EYS: variants seen among roughly 807,000 people sequenced by gnomAD.
EYS encodes EGF-like photoreceptor maintenance factor.
EYS carries 250 observed loss-of-function variants against 282.1 expected under a neutral mutation model. That is an observed-to-expected ratio of 0.89 (90% CI 0.80 to 0.98). The LOEUF (loss-of-function observed/expected upper bound fraction) is 0.98. Ranked by LOEUF, EYS falls within the 50% of genes least tolerant of loss-of-function variation. The pLI is 0.00. For synonymous variants in EYS, 1,355 were observed against 1,282.9 expected (o/e 1.06, Z -1.20); for missense variants, 4,016 against 3,709.0 (o/e 1.08, Z -2.15).
intron 22 of EYS, among the ~76,000 whole-genome samples, chr6:64,684,054 ACT>A (rs1457901342): frequency 6.6e-6 from 1 of 151,662 alleles, no homozygotes; most frequent in Non-Finnish European, 1.5e-5. Flanking sequence ...CAACTCTCTC[ACT>A]CTTTCTTTTA....
At chr6:64,090,732 C>T (rs1041534406) in intron 31 of EYS, among the ~76,000 whole-genome samples, 3 of 152,094 alleles carry the variant, frequency 2.0e-5, no homozygotes, top group Non-Finnish European at 4.4e-5. Context: ...ACAATTTTGT[C>T]ATAGTCATCC....
At chr6:65,128,117 C>A (rs2150200637) in intron 12 of EYS, among the ~76,000 whole-genome samples, 1 of 151,938 alleles carries the variant, frequency 6.6e-6, no homozygotes, top group Non-Finnish European at 1.5e-5. Context: ...TTTATCTTAC[C>A]CAAATCATTA....
chr6:64,840,834 A>T (rs1423334802), intron 19 of EYS, among the ~76,000 whole-genome samples: 1 of 152,140 alleles, frequency 6.6e-6, no homozygotes, highest in Non-Finnish European at 1.5e-5. Flanking sequence ...TTTTCAGCAC[A>T]CACATACTTA....
intron 2 of EYS, among the ~76,000 whole-genome samples, chr6:65,564,542 A>G (rs913401548): frequency 1.3e-5 from 2 of 152,152 alleles, no homozygotes; most frequent in African/African-American, 4.8e-5. Context: ...CCTATTTAAT[A>G]AATGGTGTTG....
intron 26 of EYS, among the ~76,000 whole-genome samples, chr6:64,454,157 G>A (rs34783917): frequency 0.37 from 56,118 of 151,810 alleles, 11,118 homozygotes; most frequent in African/African-American, 0.53. Flanking sequence ...TCCTTCCTTT[G>A]TTCTTCTGTA....
At chr6:64,098,154 T>C (rs573855907) in intron 31 of EYS, among the ~76,000 whole-genome samples, 2 of 152,330 alleles carry the variant, frequency 1.3e-5, no homozygotes, top group Admixed American at 1.3e-4. Flanking sequence ...ACACTATCAA[T>C]CGTTTTCCTA....
chr6:64,227,084 A>C (rs1172136163), intron 31 of EYS, among the ~76,000 whole-genome samples: 1 of 151,934 alleles, frequency 6.6e-6, no homozygotes, highest in African/African-American at 2.4e-5. Context: ...GCAATTATAT[A>C]TTTTTTCAGT....
intron 5 of EYS, among the ~76,000 whole-genome samples, chr6:65,435,680 C>T (rs1208109583): frequency 6.6e-6 from 1 of 152,090 alleles, no homozygotes; most frequent in African/African-American, 2.4e-5. Context: ...TTACTAAGGA[C>T]TGAATTGTGT....
intron 12 of EYS, among the ~76,000 whole-genome samples, chr6:65,099,846 A>G (rs1186294803): frequency 6.6e-6 from 1 of 150,794 alleles, no homozygotes; most frequent in African/African-American, 2.4e-5. Context: ...AACTTATTTT[A>G]TCAAAGGCAA....
At chr6:64,151,363 A>ATATTTATATATAT (rs1491135650) in intron 31 of EYS, among the ~76,000 whole-genome samples, 1 of 62,854 alleles carries the variant, frequency 1.6e-5, no homozygotes, top group African/African-American at 7.1e-5. Context: ...ATATATATAT[A>ATATTTATATATAT]ATTTTTTTTT....
chr6:65,690,175 A>G (rs144324066), intron 1 of EYS, among the ~76,000 whole-genome samples: 1,520 of 150,172 alleles, frequency 0.01, 58 homozygotes, highest in African/African-American at 0.034. Flanking sequence ...TAAAACAGAA[A>G]CAGTCTTTCT....
intron 31 of EYS, among the ~76,000 whole-genome samples, chr6:64,082,720 CTT>C (rs1161955833): frequency 1.3e-5 from 2 of 151,792 alleles, no homozygotes; most frequent in African/African-American, 4.8e-5. Flanking sequence ...TAGTTTTAGA[CTT>C]ATAGAATTAT....
At chr6:65,115,427 C>T (rs1030684161) in intron 12 of EYS, among the ~76,000 whole-genome samples, 5 of 152,052 alleles carry the variant, frequency 3.3e-5, no homozygotes, top group African/African-American at 9.6e-5. Flanking sequence ...CTGAAATTAT[C>T]TTTTAATCTT....
chr6:64,865,913 G>T (rs970133131), intron 19 of EYS, among the ~76,000 whole-genome samples: 2 of 151,970 alleles, frequency 1.3e-5, no homozygotes, highest in Non-Finnish European at 2.9e-5. Flanking sequence ...ATCACATATG[G>T]TTCCAAGATT....
intron 26 of EYS, among the ~76,000 whole-genome samples, chr6:64,485,666 TAGA>T (rs1329343303): frequency 1.3e-5 from 2 of 151,498 alleles, no homozygotes; most frequent in African/African-American, 4.8e-5. Context: ...TCAATGATTA[TAGA>T]AGATTAGTTC....
At chr6:65,474,889 GA>G (rs1765341752) in intron 5 of EYS, among the ~76,000 whole-genome samples, 1 of 152,004 alleles carries the variant, frequency 6.6e-6, no homozygotes, top group Non-Finnish European at 1.5e-5. Flanking sequence ...GACAGAGGAG[GA>G]AAAGTTAGGA....
At chr6:64,668,822 C>T (rs1340011383) in intron 22 of EYS, among the ~76,000 whole-genome samples, 2 of 152,020 alleles carry the variant, frequency 1.3e-5, no homozygotes, top group East Asian at 1.9e-4. Context: ...CCGCCTCAGC[C>T]TCCCAAAGTG....
intron 30 of EYS, among the ~76,000 whole-genome samples, chr6:64,268,844 A>G (rs1767849742): frequency 6.6e-6 from 1 of 152,264 alleles, no homozygotes; most frequent in South Asian, 2.1e-4. Flanking sequence ...GAGATTTGCC[A>G]TGGTTTAGCT....
At chr6:64,257,387 C>G (rs570112722) in intron 30 of EYS, among the ~76,000 whole-genome samples, 2 of 151,958 alleles carry the variant, frequency 1.3e-5, no homozygotes, top group Non-Finnish European at 2.9e-5. Context: ...AAGCCATCAC[C>G]CTTTTTACCA....
Sources: allele counts gnomAD v4.1 joint callset (sites outside exome capture counted in the v4.1 genomes callset), GRCh38; gene constraint gnomAD v4.1.1; transcripts MANE v1.5; gene names NCBI Gene and HGNC (gene_info 2026-07-23, HGNC 2026-07-21).